CDHR1: variants seen among roughly 807,000 people sequenced by gnomAD.
CDHR1 encodes the protein cadherin-related family member 1.
CDHR1 carries 61 observed loss-of-function variants against 72.1 expected under a neutral mutation model. That is an observed-to-expected ratio of 0.85 (90% CI 0.69 to 1.05). The LOEUF (loss-of-function observed/expected upper bound fraction) is 1.05, where lower values mean the gene tolerates loss of function less well. Ranked by LOEUF, CDHR1 falls within the 50% of genes least tolerant of loss-of-function variation. CDHR1 has a pLI of 0.00. For synonymous variants in CDHR1, 470 were observed against 448.1 expected (o/e 1.05, Z -0.62); for missense variants, 1,186 against 1,115.7 (o/e 1.06, Z -0.90).
rs143468750 is a variant in CDHR1, at chr10:84,213,084, C to A, written c.1783-7C>A. The A allele has an allele frequency of 3.1e-6, 5 of 1,614,076 alleles. No individual in the cohort carries two copies. The African/African-American group carries it at 4.0e-5, about 13-fold the overall frequency. On this transcript the variant is annotated splice_region_variant and splice_polypyrimidine_tract_variant and intron_variant, in intron 15 of 16. Coordinates refer to ENST00000623527, the MANE Select transcript of CDHR1 (RefSeq NM_033100.4). ...GCCCAGCTCTGTCTGTCTCTCCCTG[C>A]GCACAGGCCATAGACGAGGATGCAG... is the stretch of plus-strand genomic sequence containing the variant.
chr10:84,197,676 G>A (rs1298956514), intron 3 of CDHR1, 110 bp from the exon 4 acceptor site: 8 of 1,015,124 alleles, frequency 7.9e-6, no homozygotes, highest in Middle Eastern at 2.2e-4. Flanking sequence ...CTATTGGCAC[G>A]CCCAGACCTC....
chr10:84,210,924 CTGGGGAGATGAGG>C, intron 12 of CDHR1, 64 bp from the exon 13 acceptor site: 1 of 1,496,074 alleles, frequency 6.7e-7, no homozygotes, highest in Non-Finnish European at 9.3e-7. Flanking sequence ...CACATCAGTC[CTGGGGAGATGAGG>C]TGGGAAGGCT....
At position 84,208,330 on chromosome 10, in the gene CDHR1, G is replaced by A. The variant is rs756969177; in HGVS notation, c.1120G>A (p.Gly374Arg). 3.7e-6 allele frequency: 6 copies of A among 1,613,996 alleles called. No homozygotes were observed. The highest frequency in any genetic ancestry group is 1.3e-5 in the African/African-American group (1 of 74,896). ...ELSMNEHPPQGEILRGLKITV... is the reference protein window; with the variant it reads ...ELSMNEHPPQREILRGLKITV... ...GTCCATGAATGAGCACCCACCCCAG[G>A]GAGAGATCCTGCGGGGCCTCAAGAT... is the stretch of plus-strand genomic sequence containing the variant. Residue 374 changes from glycine (G) to arginine (R), a missense_variant, in exon 11 of 17, where the codon GGA becomes AGA. Coordinates refer to ENST00000623527, the MANE Select transcript of CDHR1 (RefSeq NM_033100.4).
chr10:84,214,877 A>C lies in CDHR1; in HGVS notation c.*256A>C. 2.1e-6 allele frequency: 3 copies of C among 1,428,098 alleles called. No individual in the cohort carries two copies. The highest frequency in any genetic ancestry group is 2.6e-5 in the East Asian group (1 of 38,130). The allele number at this position is 1,428,098 out of a possible 1,614,324, so 88.5% of individuals were successfully genotyped here. The stretch of plus-strand genomic sequence containing the variant: ...TGGCAAATACGTCCCCGTTACTCAA[A>C]TCCTTGGCACTACTACAATGCCCTC... On this transcript the variant is annotated 3_prime_UTR_variant, in exon 17 of 17. Coordinates refer to ENST00000623527, the MANE Select transcript of CDHR1 (RefSeq NM_033100.4).
rs1842448565 is a variant in CDHR1, at chr10:84,217,790, A to C, written c.*3169A>C. 9 of 985,168 alleles carry C rather than the reference A, an allele frequency of 9.1e-6. No individual in the cohort carries two copies. The highest frequency in any genetic ancestry group is 9.6e-6 in the Non-Finnish European group (8 of 829,922). 61.0% of individuals were successfully genotyped at this position (985,168 alleles called of 1,614,324 possible). On this transcript the variant is annotated 3_prime_UTR_variant, in exon 17 of 17. Transcript: ENST00000623527. Reference sequence around the variant, plus strand: ...AGAGAAGAGAGTGGATCCAGAGGGGAGTGGAGGACAGGGCAGATGCCACAG... The same window carrying C: ...AGAGAAGAGAGTGGATCCAGAGGGGCGTGGAGGACAGGGCAGATGCCACAG...
rs189896719 is a variant in CDHR1, at chr10:84,211,619, C to T, written c.1486-29C>T. On this transcript the variant is annotated intron_variant, in intron 13 of 16. Coordinates refer to ENST00000623527, the MANE Select transcript of CDHR1 (RefSeq NM_033100.4). ...GCCAACATACCCTGACAAAGAGGCACGTGCCACCCAGGGCTCTTTCTCTTC... is the reference window on the plus strand; with the variant it reads ...GCCAACATACCCTGACAAAGAGGCATGTGCCACCCAGGGCTCTTTCTCTTC... 116 of 1,604,586 alleles carry T rather than the reference C, an allele frequency of 7.2e-5. 1 individual carries two copies. In the East Asian group the frequency reaches 2.4e-3, roughly 33 times the overall value.
chr10:84,202,331 A>G (rs1233225858), intron 7 of CDHR1, among the ~76,000 whole-genome samples: 1 of 152,200 alleles, frequency 6.6e-6, no homozygotes, highest in Non-Finnish European at 1.5e-5. Context: ...CTGAAGCTCA[A>G]CTAAGTTCCT....
intron 9 of CDHR1, 199 bp from the exon 10 acceptor site, chr10:84,205,628 T>C: frequency 1.6e-6 from 1 of 629,750 alleles, no homozygotes; most frequent in East Asian, 2.8e-5. Flanking sequence ...TGAGTTCAAG[T>C]CCCAGATCTG....
chr10:84,206,363 G>C (rs1381884781), intron 10 of CDHR1, among the ~76,000 whole-genome samples: 3 of 152,196 alleles, frequency 2.0e-5, no homozygotes, highest in Non-Finnish European at 4.4e-5. Flanking sequence ...GAGGAGCAAA[G>C]GTCCTGAATG....
intron 5 of CDHR1, 71 bp from the exon 6 acceptor site, chr10:84,200,530 C>T (rs1842104659): frequency 5.0e-6 from 5 of 999,582 alleles, no homozygotes; most frequent in African/African-American, 1.6e-5. Context: ...TGCTGCATGC[C>T]CCTATGCCTC....
downstream of CDHR1, chr10:84,219,478 G>A (rs1474133926): frequency 2.0e-5 from 16 of 782,644 alleles, no homozygotes; most frequent in East Asian, 4.5e-4. Context: ...TGCTTGGCTT[G>A]AAGGTCTGAA....
At chr10:84,208,638 G>A (rs961554447) in intron 11 of CDHR1, 91 bp from the exon 12 acceptor site, 3 of 1,335,830 alleles carry the variant, frequency 2.2e-6, no homozygotes, top group Non-Finnish European at 3.2e-6. Context: ...ATATCTCCCA[G>A]GGTTAAGGGC....
In CDHR1 at chr10:84,194,773, C is replaced by G. The variant is rs766698407; in HGVS notation, c.13C>G (p.Arg5Gly). The change falls in exon 1 of 17, where the codon CGG (arginine) becomes GGG (glycine). Residue 5 changes from arginine (R) to glycine (G), a missense_variant. By Grantham distance (125) the Arg-to-Gly change is moderately radical. Coordinates refer to ENST00000623527, the MANE Select transcript of CDHR1 (RefSeq NM_033100.4). ...CGCCGGCGGAGACATGAGGCGCTGC[C>G]GGTGGGCCGCCCTGGCCCTGGGGCT... MRRCRWAALALGLLR... is the reference protein window; with the variant it reads MRRCGWAALALGLLR... 1 of 1,522,942 alleles carries G rather than the reference C, an allele frequency of 6.6e-7. No homozygotes were observed. Among genetic ancestry groups the G allele is most frequent in the African/African-American group, 1.4e-5 (1 of 71,368 alleles). 94.3% of individuals were successfully genotyped at this position (1,522,942 alleles called of 1,614,324 possible).
chr10:84,217,697 G>T lies in CDHR1; in HGVS notation c.*3076G>T, dbSNP rs1369820395. 3 of 985,338 alleles carry T rather than the reference G, an allele frequency of 3.0e-6. No homozygotes were observed. Among genetic ancestry groups the T allele is most frequent in the African/African-American group, 1.7e-5 (1 of 57,208 alleles). The allele number at this position is 985,338 out of a possible 1,614,324, so 61.0% of individuals were successfully genotyped here. A position where few individuals can be genotyped will look rare whatever the true frequency, so the allele number is the denominator to read the frequency against. On this transcript the variant is annotated 3_prime_UTR_variant, in exon 17 of 17. Coordinates refer to ENST00000623527, the MANE Select transcript of CDHR1 (RefSeq NM_033100.4). ...TCCTGAAAGAGAGGACCCCCTCCAT[G>T]CATCCTCACCCCCCAGGATGTTTCC...
At chr10:84,210,298 CTCTT>C (rs1842305601) in intron 12 of CDHR1, among the ~76,000 whole-genome samples, 1 of 152,058 alleles carries the variant, frequency 6.6e-6, no homozygotes, top group Non-Finnish European at 1.5e-5. Flanking sequence ...AAGAGTCTCA[CTCTT>C]TCCCCCAGGT....
At chr10:84,205,741 G>A in intron 9 of CDHR1, 86 bp from the exon 10 acceptor site, 5 of 849,606 alleles carry the variant, frequency 5.9e-6, no homozygotes, top group South Asian at 5.6e-5. Context: ...GACTTCCCTA[G>A]GCAATGCAGG....
chr10:84,218,892 G>C (rs1056316499), downstream of CDHR1, among the ~76,000 whole-genome samples: 5 of 152,120 alleles, frequency 3.3e-5, no homozygotes, highest in Non-Finnish European at 7.3e-5. Flanking sequence ...TGCCTGAAAT[G>C]ATGGTAACAT....
chr10:84,195,457 T>C, intron 1 of CDHR1, 37 bp from the exon 2 acceptor site: 1 of 1,583,214 alleles, frequency 6.3e-7, no homozygotes, highest in Non-Finnish European at 8.6e-7. Context: ...GGGTGTCCTT[T>C]GCCTGGGTGT....
chr10:84,197,174 C>T (rs1842044402), intron 3 of CDHR1, among the ~76,000 whole-genome samples: 1 of 152,106 alleles, frequency 6.6e-6, no homozygotes, highest in East Asian at 1.9e-4. Flanking sequence ...GGGGATGCTG[C>T]CAGCTCGTGA....
Sources: gnomAD v4.1 joint callset for allele counts (sites outside exome capture counted in the v4.1 genomes callset) on GRCh38, gnomAD v4.1.1 for gene constraint, MANE v1.5 for transcripts, NCBI Gene and HGNC (gene_info 2026-07-23, HGNC 2026-07-21) for gene names.